The following SLC25A13 variants were observed in gnomAD, a reference collection of about 807,000 sequenced individuals.
SLC25A13 encodes the protein electrogenic aspartate/glutamate antiporter SLC25A13, mitochondrial.
In SLC25A13, 70 loss-of-function variants were observed where a neutral mutation model predicts 85.5. The observed-to-expected ratio is 0.82, with a 90% CI of 0.68 to 1.00. The LOEUF (loss-of-function observed/expected upper bound fraction) is 1.00. SLC25A13 is among the 50% of genes least tolerant of loss of function. The probability of loss-of-function intolerance (pLI) is 0.00; values close to 1 mark genes in which losing one functional copy is unlikely to be tolerated. For synonymous variants in SLC25A13, 259 were observed against 288.7 expected (o/e 0.90, Z 1.04); for missense variants, 765 against 819.8 (o/e 0.93, Z 0.82).
Position 96,322,022 on chromosome 7 carries a change from C to G in SLC25A13, c.-66G>C, listed in dbSNP as rs1414221780. ...GGCTGGCTGGCGTTTGGGACCCGGG[C>G]GGCTCACTTCTAGTCCCGGCGGCGG... is the stretch of plus-strand genomic sequence containing the variant. On this transcript the variant is annotated 5_prime_UTR_variant, in exon 1 of 18. Coordinates refer to ENST00000265631, the MANE Select transcript of SLC25A13 (RefSeq NM_014251.3). 6.5e-7 allele frequency: 1 copy of G among 1,527,848 alleles called. No homozygotes were observed. The allele number at this position is 1,527,848 out of a possible 1,614,324, so 94.6% of individuals were successfully genotyped here. A position where few individuals can be genotyped will look rare whatever the true frequency, so the allele number is the denominator to read the frequency against.
At chr7:96,208,216 C>T (rs193220059) in intron 5 of SLC25A13, among the ~76,000 whole-genome samples, 1 of 152,248 alleles carries the variant, frequency 6.6e-6, no homozygotes, top group African/African-American at 2.4e-5. Context: ...AATTTTGCCC[C>T]TCCTGATCTA....
In SLC25A13 at chr7:96,191,180, T is replaced by C. The variant is rs775234166; in HGVS notation, c.683A>G (p.Asn228Ser). 2 of 1,614,088 alleles carry C rather than the reference T, an allele frequency of 1.2e-6. No individual in the cohort carries two copies. The highest frequency in any genetic ancestry group is 8.5e-7 in the Non-Finnish European group (1 of 1,179,998). Reference sequence around the variant, plus strand: ...GATCTTTCTAATGAGTTCCATGTTGTTAAGGAGCGAATTAAATCCATTAAA... The same window carrying C: ...GATCTTTCTAATGAGTTCCATGTTGCTAAGGAGCGAATTAAATCCATTAAA... ...SYFNGFNSLL[N>S]NMELIRKIYS... Residue 228 changes from asparagine to serine, a missense_variant, in exon 7 of 18, where the codon AAC becomes AGC. Asn to Ser is a conservative substitution (Grantham distance 46). Coordinates refer to ENST00000265631, the MANE Select transcript of SLC25A13 (RefSeq NM_014251.3).
At position 96,134,812 on chromosome 7, in the gene SLC25A13, T is replaced by TAA. The variant is rs766526446; in HGVS notation, c.1453-2933_1453-2932dup. 1.5e-4 allele frequency among the ~76,000 whole-genome samples: 22 copies of TAA among 146,280 alleles called. 2 individuals carry two copies. The highest frequency in any genetic ancestry group is 3.0e-4 in the African/African-American group (12 of 39,472). On this transcript the variant is annotated intron_variant, in intron 14 of 17. Coordinates refer to ENST00000265631, the MANE Select transcript of SLC25A13 (RefSeq NM_014251.3). ...ACAATTTTATATATATATATATATA[T>TAA]AACCCTGAGGAAAGGGTAGAATTGC...
At chr7:96,254,799 G>A (rs1797565284) in intron 3 of SLC25A13, among the ~76,000 whole-genome samples, 2 of 152,068 alleles carry the variant, frequency 1.3e-5, no homozygotes, top group Admixed American at 1.3e-4. Context: ...CCCTGTGGGA[G>A]GAGAAACCAA....
chr7:96,273,254 A>G (rs4574776), intron 3 of SLC25A13, among the ~76,000 whole-genome samples: 37 of 152,308 alleles, frequency 2.4e-4, no homozygotes, highest in African/African-American at 8.4e-4. Context: ...AAACAATATA[A>G]TATTTCTGTT....
chr7:96,186,594 A>G (rs2116638328), intron 9 of SLC25A13, among the ~76,000 whole-genome samples: 1 of 152,344 alleles, frequency 6.6e-6, no homozygotes, highest in Non-Finnish European at 1.5e-5. Flanking sequence ...TAAATGTCCA[A>G]TAACGGAGGA....
At chr7:96,122,142 A>C in intron 15 of SLC25A13, 145 bp from the exon 16 acceptor site, 1 of 1,023,444 alleles carries the variant, frequency 9.8e-7, no homozygotes, top group South Asian at 1.4e-5. Context: ...TGGGAAATGC[A>C]ACCATGCCTC....
chr7:96,143,814 C>G (rs1243126432), intron 14 of SLC25A13, among the ~76,000 whole-genome samples: 1 of 152,182 alleles, frequency 6.6e-6, no homozygotes, highest in Non-Finnish European at 1.5e-5. Context: ...CAGGCCTAAA[C>G]ACACAGACAG....
chr7:96,213,075 C>T (rs990002679), intron 4 of SLC25A13, among the ~76,000 whole-genome samples: 5 of 152,136 alleles, frequency 3.3e-5, no homozygotes, highest in African/African-American at 7.2e-5. Flanking sequence ...GGAAAACTCA[C>T]ACATTTTCTC....
intron 4 of SLC25A13, among the ~76,000 whole-genome samples, chr7:96,219,493 A>T (rs1412005196): frequency 1.3e-5 from 2 of 152,172 alleles, no homozygotes; most frequent in Non-Finnish European, 2.9e-5. Context: ...CCAGAAGTCA[A>T]AGTTGTGATT....
chr7:96,230,748 T>C (rs1796511337), intron 4 of SLC25A13, among the ~76,000 whole-genome samples: 2 of 152,318 alleles, frequency 1.3e-5, no homozygotes, highest in South Asian at 2.1e-4. Context: ...TGGCTAGCCA[T>C]ATGCAGAAGA....
chr7:96,254,030 C>T (rs1441580334), intron 3 of SLC25A13, among the ~76,000 whole-genome samples: 6 of 152,000 alleles, frequency 3.9e-5, no homozygotes, highest in East Asian at 1.9e-4. Flanking sequence ...TGTGTGTGTG[C>T]GCATGTCTGT....
intron 3 of SLC25A13, among the ~76,000 whole-genome samples, chr7:96,273,486 C>A (rs1798324554): frequency 6.6e-6 from 1 of 152,066 alleles, no homozygotes; most frequent in Admixed American, 6.6e-5. Flanking sequence ...GCAATAATAG[C>A]ATGGGGGGTT....
At chr7:96,273,884 A>G (rs967690493) in intron 3 of SLC25A13, among the ~76,000 whole-genome samples, 10 of 152,218 alleles carry the variant, frequency 6.6e-5, no homozygotes, top group African/African-American at 2.2e-4. Flanking sequence ...TAGATTTTCC[A>G]CAGAAAAATG....
chr7:96,194,461 A>AAAAAAAAAAAAAAAAAAGG (rs1562832900), intron 5 of SLC25A13, among the ~76,000 whole-genome samples: 1 of 148,482 alleles, frequency 6.7e-6, no homozygotes. Context: ...AAAAAAAAAA[A>AAAAAAAAAAAAAAAAAAGG]AAAAAAGGAA....
intron 1 of SLC25A13, among the ~76,000 whole-genome samples, chr7:96,298,243 C>G: frequency 6.6e-6 from 1 of 152,082 alleles, no homozygotes; most frequent in East Asian, 1.9e-4. Context: ...TTCTCTGTCT[C>G]TAAATATGGA....
In SLC25A13 at chr7:96,189,538, T is replaced by G. The variant is rs377694053; in HGVS notation, c.848+43A>C. 3.9e-5 allele frequency: 62 copies of G among 1,581,868 alleles called. 1 individual carries two copies. The African/African-American group carries it at 7.8e-4, about 20-fold the overall frequency. Reference sequence around the variant, plus strand: ...TGCTGCCCTCCTCCTAACCTCCTTTTATTAAGCTAATTCCAAAAAAAAAAA... The same window carrying G: ...TGCTGCCCTCCTCCTAACCTCCTTTGATTAAGCTAATTCCAAAAAAAAAAA... On this transcript the variant is annotated intron_variant, in intron 8 of 17. Coordinates refer to ENST00000265631, the MANE Select transcript of SLC25A13 (RefSeq NM_014251.3).
In SLC25A13 at chr7:96,302,322, G is replaced by A. The variant is rs567687728; in HGVS notation, c.16-5371C>T. On this transcript the variant is annotated intron_variant, in intron 1 of 17. Coordinates refer to ENST00000265631, the MANE Select transcript of SLC25A13 (RefSeq NM_014251.3). ...ATATGAGTTAGAGCAGCCATAGGTA[G>A]GGGGTCACCAGAAAATTCCTACCTG... Among the ~76,000 whole-genome samples, 5 of 152,226 alleles carry A rather than the reference G, an allele frequency of 3.3e-5. No individual in the cohort carries two copies. The South Asian group carries it at 1.0e-3, about 32-fold the overall frequency.
intron 13 of SLC25A13, among the ~76,000 whole-genome samples, chr7:96,148,751 T>G (rs995427413): frequency 3.9e-5 from 6 of 152,126 alleles, no homozygotes; most frequent in Non-Finnish European, 7.4e-5. Flanking sequence ...ACCAGTCTTC[T>G]TGGAAGAGAG....
Sources: gnomAD v4.1 joint callset for allele counts (sites outside exome capture counted in the v4.1 genomes callset) on GRCh38, gnomAD v4.1.1 for gene constraint, MANE v1.5 for transcripts, NCBI Gene and HGNC (gene_info 2026-07-23, HGNC 2026-07-21) for gene names.